SLCO6A1: variants seen among roughly 807,000 people sequenced by gnomAD.
SLCO6A1 encodes cancer/testis antigen 48.
In SLCO6A1, 65 loss-of-function variants were observed where a neutral mutation model predicts 72.7. The observed-to-expected ratio is 0.89, with a 90% CI of 0.73 to 1.10. The LOEUF (loss-of-function observed/expected upper bound fraction) is 1.10. Among genes scored for constraint, SLCO6A1 ranks in the 50% least tolerant of loss-of-function variants. SLCO6A1 has a pLI of 0.00. For missense variants in SLCO6A1, 874 were observed against 872.6 expected, an observed-to-expected ratio of 1.00 and a Z score of -0.02; for synonymous variants, 314 against 298.2, an observed-to-expected ratio of 1.05 and a Z score of -0.55.
At chr5:102,474,860 T>C (rs1360674611) in intron 4 of SLCO6A1, among the ~76,000 whole-genome samples, 3 of 151,854 alleles carry the variant, frequency 2.0e-5, no homozygotes, top group Non-Finnish European at 4.4e-5. Flanking sequence ...CACAATAAGG[T>C]ATCACCTTGG....
intron 7 of SLCO6A1, among the ~76,000 whole-genome samples, chr5:102,421,539 G>A (rs1294317846): frequency 6.6e-6 from 1 of 152,130 alleles, no homozygotes. Context: ...CAACAGCACG[G>A]CAAAGCCAGT....
intron 6 of SLCO6A1, among the ~76,000 whole-genome samples, chr5:102,453,327 G>C (rs1750528131): frequency 7.4e-6 from 1 of 134,320 alleles, no homozygotes; most frequent in Non-Finnish European, 1.6e-5. Flanking sequence ...GACAGAGTGA[G>C]ACCCTGCCTC....
Position 102,475,845 on chromosome 5 carries a change from C to A in SLCO6A1, c.803-52G>T, listed in dbSNP as rs193284582. 125 of 1,381,766 alleles carry A rather than the reference C, an allele frequency of 9.0e-5. No individual in the cohort carries two copies. The African/African-American group carries it at 1.6e-3, about 17-fold the overall frequency. 85.6% of individuals were successfully genotyped at this position (1,381,766 alleles called of 1,614,324 possible). ...ATCAAACAATTTCATAAGCCAGCTT[C>A]GTTATGATAAAAATTGACTGAAATT... On this transcript the variant is annotated intron_variant, in intron 3 of 13. Transcript: ENST00000506729.
Position 102,428,211 on chromosome 5 carries a change from T to C in SLCO6A1, c.1277-8190A>G, listed in dbSNP as rs149753935. 5.4e-3 allele frequency among the ~76,000 whole-genome samples: 825 copies of C among 151,550 alleles called. 4 individuals carry two copies. The highest frequency in any genetic ancestry group is 0.019 in the African/African-American group (792 of 41,298). ...TTTCTATCTTCAAGATATCTAAAAC[T>C]GTTCAAAAAATAGTTCTTGAAAAAA... is the stretch of plus-strand genomic sequence containing the variant. On this transcript the variant is annotated intron_variant, in intron 7 of 13. Coordinates refer to ENST00000506729, the MANE Select transcript of SLCO6A1 (RefSeq NM_173488.5).
intron 4 of SLCO6A1, among the ~76,000 whole-genome samples, chr5:102,464,556 C>T (rs1751215815): frequency 6.6e-6 from 1 of 152,024 alleles, no homozygotes; most frequent in African/African-American, 2.4e-5. Flanking sequence ...TTAAAGAAAT[C>T]TGTATGGGAA....
intron 1 of SLCO6A1, among the ~76,000 whole-genome samples, chr5:102,492,175 AG>A (rs1752714422): frequency 6.6e-6 from 1 of 152,224 alleles, no homozygotes; most frequent in African/African-American, 2.4e-5. Flanking sequence ...GGGGATGACA[AG>A]TCAACATAAG....
chr5:102,455,853 T>C (rs1750682689), intron 6 of SLCO6A1, among the ~76,000 whole-genome samples: 1 of 152,316 alleles, frequency 6.6e-6, no homozygotes, highest in African/African-American at 2.4e-5. Context: ...ACAAAAATCC[T>C]CAATAAAATA....
intron 7 of SLCO6A1, among the ~76,000 whole-genome samples, chr5:102,428,061 C>T (rs1479991305): frequency 2.7e-5 from 4 of 150,382 alleles, no homozygotes; most frequent in East Asian, 3.9e-4. Flanking sequence ...TAGTAGAGAC[C>T]GGGTTTCACC....
intron 7 of SLCO6A1, among the ~76,000 whole-genome samples, chr5:102,432,372 A>C (rs7731257): frequency 0.018 from 2,725 of 152,174 alleles, 55 homozygotes; most frequent in African/African-American, 0.049. Flanking sequence ...GTGGCTGGTA[A>C]TGGTCTTTCC....
At chr5:102,447,937 T>C (rs1254205490) in intron 6 of SLCO6A1, among the ~76,000 whole-genome samples, 2 of 152,036 alleles carry the variant, frequency 1.3e-5, no homozygotes, top group Non-Finnish European at 2.9e-5. Flanking sequence ...TTTGCTCTTG[T>C]TTTTAGTTTC....
intron 1 of SLCO6A1, among the ~76,000 whole-genome samples, chr5:102,494,560 G>C (rs1347020787): frequency 6.6e-6 from 1 of 152,034 alleles, no homozygotes; most frequent in African/African-American, 2.4e-5. Context: ...ATTATATAAA[G>C]AACACTCAGT....
chr5:102,427,072 TA>T (rs1440106912), intron 7 of SLCO6A1, among the ~76,000 whole-genome samples: 3 of 150,350 alleles, frequency 2.0e-5, no homozygotes, highest in Non-Finnish European at 4.5e-5. Flanking sequence ...AACAATGACA[TA>T]AAAATGAAAG....
intron 9 of SLCO6A1, among the ~76,000 whole-genome samples, chr5:102,400,410 T>G (rs987087911): frequency 3.9e-5 from 6 of 152,034 alleles, no homozygotes; most frequent in African/African-American, 1.4e-4. Context: ...ATTATTAATT[T>G]TTTAGTGAAG....
chr5:102,413,132 A>C lies in SLCO6A1; in HGVS notation c.1484T>G (p.Leu495Trp), dbSNP rs759595426. Residue 495 changes from leucine to tryptophan, a missense_variant, in exon 9 of 14, where the codon TTG (leucine) becomes TGG (tryptophan). Coordinates refer to ENST00000506729, the MANE Select transcript of SLCO6A1 (RefSeq NM_173488.5). ...INEDYDGTGK[L>W]GNLTAPCNEK... ...ATTGCAAGGAGCCGTGAGGTTTCCCAACTTCCCTGTTCTGTAAAAACAAGA... is the reference window on the plus strand; with the variant it reads ...ATTGCAAGGAGCCGTGAGGTTTCCCCACTTCCCTGTTCTGTAAAAACAAGA... The C allele has an allele frequency of 1.9e-6, 3 of 1,564,510 alleles. No individual in the cohort carries two copies. The highest frequency in any genetic ancestry group is 2.6e-5 in the South Asian group (2 of 77,910).
chr5:102,385,522 A>C (rs2085865947), intron 12 of SLCO6A1, among the ~76,000 whole-genome samples: 1 of 151,794 alleles, frequency 6.6e-6, no homozygotes, highest in Non-Finnish European at 1.5e-5. Context: ...CACTCTTCTG[A>C]CTGGGTAATT....
intron 7 of SLCO6A1, among the ~76,000 whole-genome samples, chr5:102,421,306 G>C (rs1226748566): frequency 3.9e-5 from 6 of 152,102 alleles, no homozygotes; most frequent in Non-Finnish European, 8.8e-5. Flanking sequence ...GCCGAAGCCA[G>C]GGAGCCAAGT....
rs777416753 is a variant in SLCO6A1 at position 102,458,444 on chromosome 5, C to CA, written c.1068dup (p.Asp357Ter). 2 of 1,612,568 alleles carry CA rather than the reference C, an allele frequency of 1.2e-6. No individual in the cohort carries two copies. The highest frequency in any genetic ancestry group is 1.7e-6 in the Non-Finnish European group (2 of 1,179,276). Reference sequence around the variant, plus strand: ...AGTTTCAGATCTTTAAGTCTGCTGTCAAAAAAATGAAGCTGTTTACGTTTC... The same window carrying CA: ...AGTTTCAGATCTTTAAGTCTGCTGTCAAAAAAAATGAAGCTGTTTACGTTTC... On this transcript the variant is annotated frameshift_variant, in exon 6 of 14. Coordinates refer to ENST00000506729, the MANE Select transcript of SLCO6A1 (RefSeq NM_173488.5). LOFTEE classifies it high-confidence loss of function.
Position 102,385,925 on chromosome 5 carries a change from C to T in SLCO6A1, c.2017+2763G>A, listed in dbSNP as rs544117452. 1.8e-3 allele frequency among the ~76,000 whole-genome samples: 277 copies of T among 150,576 alleles called. 3 individuals are homozygous for T. Among genetic ancestry groups the T allele is most frequent in the Non-Finnish European group, 2.3e-3 (154 of 67,466 alleles). ...AAATGATCCTACTGCCTCAGCCTGCCAAGCCTCTCAAGTAGCTGGAATTAC... is the reference window on the plus strand; with the variant it reads ...AAATGATCCTACTGCCTCAGCCTGCTAAGCCTCTCAAGTAGCTGGAATTAC... On this transcript the variant is annotated intron_variant, in intron 12 of 13. Coordinates refer to ENST00000506729, the MANE Select transcript of SLCO6A1 (RefSeq NM_173488.5).
At chr5:102,424,331 G>A (rs1748771977) in intron 7 of SLCO6A1, among the ~76,000 whole-genome samples, 1 of 151,960 alleles carries the variant, frequency 6.6e-6, no homozygotes, top group South Asian at 2.1e-4. Context: ...ATGAATCAAG[G>A]AGCTAGTTTT....
Sources: allele counts gnomAD v4.1 joint callset (sites outside exome capture counted in the v4.1 genomes callset), GRCh38; gene constraint gnomAD v4.1.1; transcripts MANE v1.5; gene names NCBI Gene and HGNC (gene_info 2026-07-23, HGNC 2026-07-21).